SPTA1: variants seen among roughly 807,000 people sequenced by gnomAD.
SPTA1 encodes spectrin alpha chain, erythrocytic 1.
SPTA1 carries 177 observed loss-of-function variants against 324.7 expected under a neutral mutation model. The ratio of observed to expected loss-of-function variants is 0.55; its 90% confidence interval spans 0.48 to 0.62. SPTA1 has a LOEUF of 0.62. SPTA1 is among the 20% of genes least tolerant of loss of function. The pLI is 0.00. For synonymous variants in SPTA1, 1,195 were observed against 1,041.3 expected (o/e 1.15, Z -2.84); for missense variants, 3,162 against 2,883.6 (o/e 1.10, Z -2.21).
chr1:158,684,457 T>A (rs190035638), intron 2 of SPTA1, among the ~76,000 whole-genome samples: 1 of 152,274 alleles, frequency 6.6e-6, no homozygotes, highest in East Asian at 1.9e-4. Context: ...GAATTTGCAG[T>A]TGCTGTTTTG....
chr1:158,620,464 A>G lies in SPTA1; in HGVS notation c.6123T>C (p.Ala2041=), dbSNP rs1276866681. Residue 2041 remains alanine (A), a splice_region_variant and synonymous_variant, in exon 44 of 52, where the codon GCT becomes GCC. Coordinates refer to ENST00000643759, the MANE Select transcript of SPTA1 (RefSeq NM_003126.4). ...LLEKQLPLQK[A]EDLFVEFAHK... ...GTGCAAATTCCACGAACAGGTCCTC[A>G]GCCTGCAGAGAGAAAAAAAAGACAC... 6.8e-6 allele frequency: 11 copies of G among 1,612,544 alleles called. No individual in the cohort carries two copies. Among genetic ancestry groups the G allele is most frequent in the Middle Eastern group, 4.1e-4 (2 of 4,848 alleles).
rs1219331401 is a variant in SPTA1 at position 158,613,229 on chromosome 1, C to T, written c.6990-268G>A. Among the ~76,000 whole-genome samples, 4 of 152,142 alleles carry T rather than the reference C, an allele frequency of 2.6e-5. No homozygotes were observed. The East Asian group carries it at 7.7e-4, about 29-fold the overall frequency. On this transcript the variant is annotated intron_variant, in intron 50 of 51. Coordinates refer to ENST00000643759, the MANE Select transcript of SPTA1 (RefSeq NM_003126.4). Reference sequence around the variant, plus strand: ...AACATGGGTCATTCAGCCTGATTCTCGGTGAATTTTGAAATTTCCCATCAG... The same window carrying T: ...AACATGGGTCATTCAGCCTGATTCTTGGTGAATTTTGAAATTTCCCATCAG...
Position 158,647,636 on chromosome 1 carries a change from G to C in SPTA1, c.3799C>G (p.Leu1267Val), listed in dbSNP as rs1652096791. 1.9e-6 allele frequency: 3 copies of C among 1,613,930 alleles called. No homozygotes were observed. The East Asian group carries it at 6.7e-5, about 36-fold the overall frequency. The change falls in exon 27 of 52, where the codon CTG (leucine) becomes GTG (valine). Residue 1267 changes from leucine to valine, a missense_variant. Coordinates refer to ENST00000643759, the MANE Select transcript of SPTA1 (RefSeq NM_003126.4). The part of the protein sequence containing the change: ...TEDLQRQKME[L>V]NEAWEDLQGR... Reference sequence around the variant, plus strand: ...TGCAGGTCTTCCCAGGCCTCATTCAGCTCCATTTTCTGTCTCTGCAGGTCC... The same window carrying C: ...TGCAGGTCTTCCCAGGCCTCATTCACCTCCATTTTCTGTCTCTGCAGGTCC...
At chr1:158,630,878 G>T (rs906562321) in intron 39 of SPTA1, among the ~76,000 whole-genome samples, 14 of 152,008 alleles carry the variant, frequency 9.2e-5, no homozygotes, top group Admixed American at 3.3e-4. Flanking sequence ...ATGAAAAAAT[G>T]TTCAATATCA....
At chr1:158,639,494 G>T in intron 35 of SPTA1, 88 bp downstream of exon 35, 3 of 1,397,286 alleles carry the variant, frequency 2.1e-6, no homozygotes, top group South Asian at 1.2e-5. Context: ...GCAAGGCTAT[G>T]TTTTCAAATG....
At chr1:158,631,919 C>T (rs777439263) in intron 39 of SPTA1, among the ~76,000 whole-genome samples, 1 of 152,106 alleles carries the variant, frequency 6.6e-6, no homozygotes, top group Non-Finnish European at 1.5e-5. Context: ...AACTACCTAT[C>T]GTCCAGCAAT....
At chr1:158,627,870 T>A in intron 39 of SPTA1, 147 bp from the exon 40 acceptor site, 1 of 744,254 alleles carries the variant, frequency 1.3e-6, no homozygotes, top group Non-Finnish European at 2.3e-6. Flanking sequence ...CTGGAATAAC[T>A]ATACTCAATT....
intron 45 of SPTA1, 66 bp downstream of exon 45, chr1:158,619,156 G>A (rs1649753445): frequency 4.2e-6 from 6 of 1,440,596 alleles, no homozygotes; most frequent in Middle Eastern, 1.8e-4. Context: ...CTTCAAACAT[G>A]TATTTCATCC....
rs192910219 is a variant in SPTA1 at position 158,663,014 on chromosome 1, G to C, written c.2221-69C>G. 13 of 1,601,748 alleles carry C rather than the reference G, an allele frequency of 8.1e-6. No homozygotes were observed. The South Asian group carries it at 1.1e-4, about 14-fold the overall frequency. On this transcript the variant is annotated intron_variant, in intron 16 of 51. Transcript: ENST00000643759. The stretch of plus-strand genomic sequence containing the variant: ...GTAGGAAGTAATAGGAGTTTGTCAT[G>C]GTGGAAACGGGGTCATGGGAAAATC...
In SPTA1 at chr1:158,620,354, A is replaced by T. The variant is rs757836340; in HGVS notation, c.6233T>A (p.Ile2078Asn). The change falls in exon 44 of 52, where the codon ATT becomes AAT. Residue 2078 changes from isoleucine (I) to asparagine (N), a missense_variant. Ile to Asn is a moderately radical substitution (Grantham distance 149, BLOSUM62 -3). Transcript: ENST00000643759. ...EPVHCVSLNEIRQLQKDHEDF... is the reference protein window; with the variant it reads ...EPVHCVSLNENRQLQKDHEDF... ...CTCATGGTCTTTCTGCAGCTGCCGA[A>T]TTTCATTCAGGGAGACACAGTGCAC... 4.4e-5 allele frequency: 71 copies of T among 1,614,116 alleles called. No individual in the cohort carries two copies. In the East Asian group the frequency reaches 1.4e-3, roughly 33 times the overall value.
At chr1:158,682,185 G>A (rs1279613819) in intron 3 of SPTA1, among the ~76,000 whole-genome samples, 1 of 152,116 alleles carries the variant, frequency 6.6e-6, no homozygotes, top group Non-Finnish European at 1.5e-5. Context: ...AATCTACAGA[G>A]GGCTTTGAAT....
intron 2 of SPTA1, among the ~76,000 whole-genome samples, chr1:158,684,794 A>T (rs1655050241): frequency 6.6e-6 from 1 of 152,176 alleles, no homozygotes. Context: ...TTGGTTAATG[A>T]TTAAAAAATG....
chr1:158,667,895 G>T lies in SPTA1; in HGVS notation c.2001C>A (p.Ser667Arg), dbSNP rs758940312. The change falls in exon 15 of 52, where the codon AGC (serine) becomes AGA (arginine). Residue 667 changes from serine (S) to arginine (R), a missense_variant. Transcript: ENST00000643759. Reference sequence around the variant, plus strand: ...TAGCCTCCAGCAACTCCTCCCAGAGGCTGGCAACTTCACTCAGACGAGTGG... The same window carrying T: ...TAGCCTCCAGCAACTCCTCCCAGAGTCTGGCAACTTCACTCAGACGAGTGG... Reference protein sequence around the residue: ...NVTTRLSEVASLWEELLEATK... With the variant: ...NVTTRLSEVARLWEELLEATK... The T allele has an allele frequency of 1.9e-6, 3 of 1,613,914 alleles. No individual in the cohort carries two copies. Among genetic ancestry groups the T allele is most frequent in the Non-Finnish European group, 2.5e-6 (3 of 1,179,958 alleles).
chr1:158,620,861 A>AT (rs71084280), intron 43 of SPTA1: 1 of 160,382 alleles, frequency 6.2e-6, no homozygotes, highest in Non-Finnish European at 1.3e-5. Flanking sequence ...AAAAAAAAAA[A>AT]GCATTGAATG....
chr1:158,656,954 A>G (rs927837005), intron 19 of SPTA1, among the ~76,000 whole-genome samples: 1 of 152,230 alleles, frequency 6.6e-6, no homozygotes, highest in Non-Finnish European at 1.5e-5. Flanking sequence ...TAGGATAAAC[A>G]TTAGTGTAAC....
intron 39 of SPTA1, among the ~76,000 whole-genome samples, chr1:158,633,099 G>A (rs1473960341): frequency 6.6e-6 from 1 of 152,156 alleles, no homozygotes; most frequent in East Asian, 1.9e-4. Flanking sequence ...GATTTCATTT[G>A]TATAGCAGCG....
At position 158,685,120 on chromosome 1, in the gene SPTA1, T is replaced by C; in HGVS notation, c.252A>G (p.Pro84=). Residue 84 remains proline (P), a synonymous_variant, in exon 2 of 52, where the codon CCA becomes CCG. Coordinates refer to ENST00000643759, the MANE Select transcript of SPTA1 (RefSeq NM_003126.4). ...AGAACTGAGTGACCTGTATATTAGT[T>C]GGGTCTTCATAGCTCTTATCGGTTA... ...NILTDKSYED[P]TNIQGKYQKH... 6.2e-7 allele frequency: 1 copy of C among 1,613,670 alleles called. No individual in the cohort carries two copies. The highest frequency in any genetic ancestry group is 8.5e-7 in the Non-Finnish European group (1 of 1,179,742).
intron 39 of SPTA1, among the ~76,000 whole-genome samples, chr1:158,632,795 G>A (rs1650776404): frequency 1.3e-5 from 2 of 149,204 alleles, no homozygotes; most frequent in African/African-American, 2.5e-5. Flanking sequence ...TAAATAGGCA[G>A]TTACTATATG....
rs764659645 is a variant in SPTA1 at position 158,654,720 on chromosome 1, A to G, written c.2927T>C (p.Val976Ala). Reference protein sequence around the residue: ...QQQQAAPVEGVAGEQRVMALY... With the variant: ...QQQQAAPVEGAAGEQRVMALY... The stretch of plus-strand genomic sequence containing the variant: ...AGCCATGACCCTTTGTTCTCCAGCA[A>G]CTCCCTCCACTGGTGCAGCCTGTTG... The change falls in exon 21 of 52, where the codon GTT becomes GCT. Residue 976 changes from valine (V) to alanine (A), a missense_variant. Coordinates refer to ENST00000643759, the MANE Select transcript of SPTA1 (RefSeq NM_003126.4). 48 of 1,613,208 alleles carry G rather than the reference A, an allele frequency of 3.0e-5. No individual in the cohort carries two copies. The highest frequency in any genetic ancestry group is 4.0e-5 in the African/African-American group (3 of 74,666).
Sources: gnomAD v4.1 joint callset for allele counts (sites outside exome capture counted in the v4.1 genomes callset) on GRCh38, gnomAD v4.1.1 for gene constraint, MANE v1.5 for transcripts, NCBI Gene and HGNC (gene_info 2026-07-23, HGNC 2026-07-21) for gene names.